Variants in ALPK3 observed in about 807,000 individuals in gnomAD.
ALPK3 encodes the protein alpha kinase 3, also known as alpha-protein kinase 3.
A neutral mutation model predicts 140.0 loss-of-function variants in ALPK3; 102 were observed. That is an observed-to-expected ratio of 0.73 (90% CI 0.62 to 0.86). The LOEUF (loss-of-function observed/expected upper bound fraction) is 0.86. Among genes scored for constraint, ALPK3 ranks in the 40% least tolerant of loss-of-function variants. ALPK3 has a pLI of 0.00. For synonymous variants in ALPK3, 938 were observed against 898.5 expected, an observed-to-expected ratio of 1.04 and a Z score of -0.79; for missense variants, 2,254 against 2,208.2, an observed-to-expected ratio of 1.02 and a Z score of -0.42.
chr15:84,823,252 A>G lies in ALPK3; in HGVS notation c.144-78A>G, dbSNP rs937889042. On this transcript the variant is annotated intron_variant, in intron 1 of 13. Transcript: ENST00000258888. Reference sequence around the variant, plus strand: ...CTGGGCCCCAGATGGTGGCCGATTAATAGTTTGCGACTGTTGATTTCGCCT... The same window carrying G: ...CTGGGCCCCAGATGGTGGCCGATTAGTAGTTTGCGACTGTTGATTTCGCCT... 25 of 1,530,430 alleles carry G rather than the reference A, an allele frequency of 1.6e-5. No individual in the cohort carries two copies. The Admixed American group carries it at 4.2e-4, about 26-fold the overall frequency. 94.8% of individuals were successfully genotyped at this position (1,530,430 alleles called of 1,614,324 possible). A position where few individuals can be genotyped will look rare whatever the true frequency, so the allele number is the denominator to read the frequency against.
intron 3 of ALPK3, among the ~76,000 whole-genome samples, chr15:84,832,728 A>T (rs1434875445): frequency 6.6e-6 from 1 of 152,236 alleles, no homozygotes; most frequent in Non-Finnish European, 1.5e-5. Flanking sequence ...GACCACAGTG[A>T]AGCTTGACTG....
intron 5 of ALPK3, among the ~76,000 whole-genome samples, chr15:84,854,804 A>G (rs1963842173): frequency 6.6e-6 from 1 of 152,224 alleles, no homozygotes; most frequent in African/African-American, 2.4e-5. Flanking sequence ...TAGAACATTG[A>G]CATTCTGATT....
rs1963371081 is a variant in ALPK3, at chr15:84,817,364, C to T, written c.-89C>T. On this transcript the variant is annotated 5_prime_UTR_variant, in exon 1 of 14. Transcript: ENST00000258888. ...GCGCGTCAGCCGCGGGCGGGAGCGG[C>T]GGCGGCGGGCAGGGGCCCGGGGGCC... The T allele has an allele frequency of 2.4e-6, 3 of 1,228,146 alleles. No individual in the cohort carries two copies. Among genetic ancestry groups the T allele is most frequent in the African/African-American group, 3.1e-5 (2 of 63,886 alleles). The allele number at this position is 1,228,146 out of a possible 1,614,324, so 76.1% of individuals were successfully genotyped here.
Position 84,839,037 on chromosome 15 carries a change from G to A in ALPK3, c.362G>A (p.Cys121Tyr). The change falls in exon 4 of 14, where the codon TGT becomes TAT. Residue 121 changes from cysteine (C) to tyrosine (Y), a missense_variant. Physicochemically the swap from Cys to Tyr is radical, Grantham distance 194 (BLOSUM62 -2). This residue lies in a region of ALPK3 where 2,088 missense variants were observed against 2,022.9 expected (regional missense o/e 1.03). Transcript: ENST00000258888. ...GATGATACGGAGCTGGACCGCTACT[G>A]TGGCTTGCCAAAATATGAGATCACT... is the stretch of plus-strand genomic sequence containing the variant. Reference protein sequence around the residue: ...YKDDTELDRYCGLPKYEITHQ... With the variant: ...YKDDTELDRYYGLPKYEITHQ... 1 of 1,613,618 alleles carries A rather than the reference G, an allele frequency of 6.2e-7. No individual in the cohort carries two copies.
At chr15:84,821,453 A>G (rs1963422002) in intron 1 of ALPK3, among the ~76,000 whole-genome samples, 1 of 152,158 alleles carries the variant, frequency 6.6e-6, no homozygotes, top group African/African-American at 2.4e-5. Context: ...AAATCTCCCA[A>G]TCCTGAAAGA....
chr15:84,857,565 G>T lies in ALPK3; in HGVS notation c.2827G>T (p.Glu943Ter). The T allele has an allele frequency of 2.5e-6, 4 of 1,578,388 alleles. No homozygotes were observed. Among genetic ancestry groups the T allele is most frequent in the Non-Finnish European group, 2.6e-6 (3 of 1,161,268 alleles). ...GGCCTGCGCCCAGGTACCAGATGTG[G>T]AGGGGCGGACCCCAGGTCCCCGGAG... Reference protein sequence around the residue: ...EGACAQVPDVEGRTPGPRSCD... With the variant: ...EGACAQVPDV The change falls in exon 6 of 14, where the codon GAG becomes TAG. Residue 943 changes from glutamate to a stop codon, truncating the protein, a stop_gained. Coordinates refer to ENST00000258888, the MANE Select transcript of ALPK3 (RefSeq NM_020778.5). LOFTEE classifies it high-confidence loss of function.
At chr15:84,867,274 C>T (rs1352362686) in intron 12 of ALPK3, 43 bp from the exon 13 acceptor site, 1 of 1,608,578 alleles carries the variant, frequency 6.2e-7, no homozygotes, top group Non-Finnish European at 8.5e-7. Context: ...GGGCTTAGAG[C>T]CAGCCCAGAC....
At chr15:84,853,118 A>T (rs1214300126) in intron 5 of ALPK3, among the ~76,000 whole-genome samples, 1 of 152,270 alleles carries the variant, frequency 6.6e-6, no homozygotes, top group East Asian at 1.9e-4. Context: ...TCTTGTGAAC[A>T]GCAACAGTCT....
intron 5 of ALPK3, among the ~76,000 whole-genome samples, chr15:84,842,707 C>T (rs1486560205): frequency 6.6e-6 from 1 of 152,162 alleles, no homozygotes; most frequent in Non-Finnish European, 1.5e-5. Context: ...TAAGGTTAGA[C>T]TGTAGGAACA....
intron 5 of ALPK3, among the ~76,000 whole-genome samples, chr15:84,853,372 G>T (rs1308236497): frequency 1.3e-5 from 2 of 152,194 alleles, no homozygotes; most frequent in African/African-American, 4.8e-5. Context: ...CAGCACTTCT[G>T]GAGGCCGAGG....
intron 7 of ALPK3, 128 bp downstream of exon 7, chr15:84,859,518 TC>T (rs1347576722): frequency 4.8e-5 from 66 of 1,361,640 alleles, no homozygotes; most frequent in Non-Finnish European, 3.5e-5. Flanking sequence ...GTCCTTTTAT[TC>T]CCATAGTAGA....
At chr15:84,843,654 C>T (rs890998921) in intron 5 of ALPK3, among the ~76,000 whole-genome samples, 1 of 152,206 alleles carries the variant, frequency 6.6e-6, no homozygotes, top group African/African-American at 2.4e-5. Context: ...GTTCAAGATA[C>T]CTAGTGCCCT....
At position 84,858,442 on chromosome 15, in the gene ALPK3, C is replaced by T. The variant is rs200282192; in HGVS notation, c.3704C>T (p.Ala1235Val). The change falls in exon 6 of 14, where the codon GCA becomes GTA. Residue 1235 changes from alanine to valine, a missense_variant. By Grantham distance (64) the Ala-to-Val change is moderately conservative (BLOSUM62 0). This residue lies in a region of ALPK3 where 2,088 missense variants were observed against 2,022.9 expected (regional missense o/e 1.03). Transcript: ENST00000258888. The part of the protein sequence containing the change: ...EVPRAEEELA[A>V]GDLGPSPKAG... ...CCTCGGGCAGAGGAGGAGCTGGCGG[C>T]AGGAGACCTGGGCCCCAGCCCCAAG... The T allele has an allele frequency of 2.4e-5, 37 of 1,565,988 alleles. No homozygotes were observed. In the African/African-American group the frequency reaches 4.4e-4, roughly 19 times the overall value.
At position 84,857,410 on chromosome 15, in the gene ALPK3, A is replaced by G; in HGVS notation, c.2672A>G (p.His891Arg). 2 of 1,614,106 alleles carry G rather than the reference A, an allele frequency of 1.2e-6. No homozygotes were observed. Among genetic ancestry groups the G allele is most frequent in the Non-Finnish European group, 1.7e-6 (2 of 1,180,026 alleles). ...CCGTGTAGCACCCCGACTTCTCAGC[A>G]CGGGAGCACAGCCACCTTCCTGCCC... ...AGPCSTPTSQHGSTATFLPSE... is the reference protein window; with the variant it reads ...AGPCSTPTSQRGSTATFLPSE... Residue 891 changes from histidine to arginine, a missense_variant, in exon 6 of 14, where the codon CAC (histidine) becomes CGC (arginine). His to Arg is a conservative substitution (Grantham distance 29). Coordinates refer to ENST00000258888, the MANE Select transcript of ALPK3 (RefSeq NM_020778.5).
In ALPK3 at chr15:84,859,273, A is replaced by G. The variant is rs768393882; in HGVS notation, c.3848A>G (p.Glu1283Gly). 6.2e-7 allele frequency: 1 copy of G among 1,614,116 alleles called. No individual in the cohort carries two copies. Among genetic ancestry groups the G allele is most frequent in the South Asian group, 1.1e-5 (1 of 91,076 alleles). Residue 1283 changes from glutamate to glycine, a missense_variant, in exon 7 of 14, where the codon GAG becomes GGG. Physicochemically the swap from Glu to Gly is moderately conservative, Grantham distance 98. This residue lies in a region of ALPK3 where 2,088 missense variants were observed against 2,022.9 expected (regional missense o/e 1.03). Transcript: ENST00000258888. ...APQVIRKIRV[E>G]QFPDASGSLK... Reference sequence around the variant, plus strand: ...CAGGTGATCCGGAAGATTCGGGTGGAGCAGTTTCCTGATGCCTCCGGTAGC... The same window carrying G: ...CAGGTGATCCGGAAGATTCGGGTGGGGCAGTTTCCTGATGCCTCCGGTAGC...
intron 3 of ALPK3, among the ~76,000 whole-genome samples, chr15:84,832,648 G>C (rs1178676822): frequency 1.3e-5 from 2 of 152,156 alleles, no homozygotes; most frequent in African/African-American, 4.8e-5. Flanking sequence ...ACATCTACAA[G>C]CACAGGGCAT....
In ALPK3 at chr15:84,860,037, T is replaced by C. The variant is rs1202675870; in HGVS notation, c.4094T>C (p.Val1365Ala). Residue 1365 changes from valine to alanine, a missense_variant and splice_region_variant, in exon 9 of 14, where the codon GTG becomes GCG. By Grantham distance (64) the Val-to-Ala change is moderately conservative. Coordinates refer to ENST00000258888, the MANE Select transcript of ALPK3 (RefSeq NM_020778.5). ...ASTDFCLSPE[V>A]LSGFISREEG... The stretch of plus-strand genomic sequence containing the variant: ...TGCTTTCTTCTTTTTCTGTATCTAG[T>C]GTTGTCAGGATTCATCTCCAGAGAA... 6.2e-7 allele frequency: 1 copy of C among 1,614,018 alleles called. No individual in the cohort carries two copies.
chr15:84,818,125 C>T (rs771431539), intron 1 of ALPK3, among the ~76,000 whole-genome samples: 9 of 151,744 alleles, frequency 5.9e-5, no homozygotes, highest in Non-Finnish European at 1.3e-4. Flanking sequence ...GGGTCCTCCC[C>T]AGGACCTGAG....
At chr15:84,833,136 T>G (rs1963561654) in intron 3 of ALPK3, among the ~76,000 whole-genome samples, 1 of 152,218 alleles carries the variant, frequency 6.6e-6, no homozygotes. Context: ...CTACCTACTG[T>G]GTATATCATA....
Sources: allele counts gnomAD v4.1 joint callset (sites outside exome capture counted in the v4.1 genomes callset), GRCh38; gene constraint gnomAD v4.1.1; regional missense constraint gnomAD v4.1.1; transcripts MANE v1.5; gene names NCBI Gene and HGNC (gene_info 2026-07-23, HGNC 2026-07-21).